NRCAM: variants seen among roughly 807,000 people sequenced by gnomAD.
The protein encoded by NRCAM is NgCAM-related cell adhesion molecule.
NRCAM carries 83 observed loss-of-function variants against 156.5 expected under a neutral mutation model. That is an observed-to-expected ratio of 0.53 (90% CI 0.44 to 0.64). NRCAM has a LOEUF of 0.64. Among genes scored for constraint, NRCAM ranks in the 30% least tolerant of loss-of-function variants. The pLI is 0.00. For synonymous variants in NRCAM, 538 were observed against 563.9 expected, an observed-to-expected ratio of 0.95 and a Z score of 0.65; for missense variants, 1,417 against 1,597.3, an observed-to-expected ratio of 0.89 and a Z score of 1.92.
intron 2 of NRCAM, among the ~76,000 whole-genome samples, chr7:108,391,366 G>C (rs1457742610): frequency 6.6e-6 from 1 of 151,994 alleles, no homozygotes; most frequent in African/African-American, 2.4e-5. Flanking sequence ...TTGGTTTAAA[G>C]TCTGTTTTAT....
chr7:108,323,917 G>C (rs576271258), intron 2 of NRCAM, among the ~76,000 whole-genome samples: 1 of 152,238 alleles, frequency 6.6e-6, no homozygotes, highest in Non-Finnish European at 1.5e-5. Flanking sequence ...TTGCAGGCAA[G>C]GTGAAAGTTC....
At chr7:108,228,744 C>G (rs1446799016) in intron 8 of NRCAM, among the ~76,000 whole-genome samples, 1 of 152,104 alleles carries the variant, frequency 6.6e-6, no homozygotes, top group African/African-American at 2.4e-5. Flanking sequence ...GAACCAAGTA[C>G]CAAATATTGA....
At chr7:108,450,575 C>G (rs1421074423) in intron 1 of NRCAM, among the ~76,000 whole-genome samples, 1 of 151,904 alleles carries the variant, frequency 6.6e-6, no homozygotes, top group Non-Finnish European at 1.5e-5. Context: ...CAAATTTGCT[C>G]TTGTTCTAGA....
Position 108,189,724 on chromosome 7 carries a change from G to T in NRCAM, c.1956C>A (p.Asp652Glu). The change falls in exon 20 of 33, where the codon GAC becomes GAA. Residue 652 changes from aspartate (D) to glutamate (E), a missense_variant. Physicochemically the swap from Asp to Glu is conservative, Grantham distance 45. Transcript: ENST00000379028. ...PVYDVPNPPFDLELTDQLDKS... is the reference protein window; with the variant it reads ...PVYDVPNPPFELELTDQLDKS... ...TGTCAAGTTGATCTGTCAGTTCTAA[G>T]TCAAAGGGAGGATTTGGGACATCTG... 6.6e-7 allele frequency: 1 copy of T among 1,517,524 alleles called. No individual in the cohort carries two copies. The highest frequency in any genetic ancestry group is 2.3e-5 in the East Asian group (1 of 44,098). 94.0% of individuals were successfully genotyped at this position (1,517,524 alleles called of 1,614,324 possible).
intron 22 of NRCAM, among the ~76,000 whole-genome samples, chr7:108,183,407 T>A (rs1271080138): frequency 1.3e-5 from 1 of 77,498 alleles, no homozygotes; most frequent in Non-Finnish European, 3.6e-5. Context: ...TATGCATGTA[T>A]GGCTCTAAAA....
At chr7:108,290,329 T>C (rs1050180126) in intron 3 of NRCAM, among the ~76,000 whole-genome samples, 17 of 152,084 alleles carry the variant, frequency 1.1e-4, no homozygotes, top group Non-Finnish European at 1.9e-4. Context: ...TAAAATGATG[T>C]GTTGGGTGCC....
chr7:108,233,257 T>C (rs1229047034), intron 6 of NRCAM, among the ~76,000 whole-genome samples: 2 of 152,144 alleles, frequency 1.3e-5, no homozygotes, highest in African/African-American at 2.4e-5. Flanking sequence ...ATGATGGCCA[T>C]GCTCATACAA....
intron 3 of NRCAM, among the ~76,000 whole-genome samples, chr7:108,241,323 G>C (rs2095512376): frequency 6.6e-6 from 1 of 152,136 alleles, no homozygotes; most frequent in Admixed American, 6.5e-5. Flanking sequence ...AAAATGGAGA[G>C]CATGAGCACA....
At chr7:108,338,980 T>C (rs1022145401) in intron 2 of NRCAM, among the ~76,000 whole-genome samples, 2 of 152,248 alleles carry the variant, frequency 1.3e-5, no homozygotes, top group Non-Finnish European at 2.9e-5. Flanking sequence ...AAGTAACTTT[T>C]AGAGGAAACC....
intron 8 of NRCAM, among the ~76,000 whole-genome samples, chr7:108,228,309 G>A (rs1048890481): frequency 5.4e-5 from 8 of 148,420 alleles, no homozygotes; most frequent in Admixed American, 4.0e-4. Flanking sequence ...GTGACAGAGC[G>A]AGACTCCATC....
At chr7:108,257,110 A>AAAG (rs1007008427) in intron 3 of NRCAM, among the ~76,000 whole-genome samples, 17 of 151,502 alleles carry the variant, frequency 1.1e-4, no homozygotes, top group Admixed American at 3.3e-4. Context: ...AAGGAAAAGA[A>AAAG]AAGAAAAGAA....
At chr7:108,163,508 G>C (rs1563203802) in intron 30 of NRCAM, among the ~76,000 whole-genome samples, 1 of 152,232 alleles carries the variant, frequency 6.6e-6, no homozygotes, top group Non-Finnish European at 1.5e-5. Context: ...CAAACGCTTA[G>C]ATGTGTTTAG....
chr7:108,333,021 A>G (rs930802352), intron 2 of NRCAM, among the ~76,000 whole-genome samples: 2 of 152,216 alleles, frequency 1.3e-5, no homozygotes, highest in African/African-American at 2.4e-5. Context: ...GCAATTTTAT[A>G]TGATTCAACC....
chr7:108,191,935 G>A, intron 17 of NRCAM, 82 bp from the exon 18 acceptor site: 1 of 1,473,592 alleles, frequency 6.8e-7, no homozygotes, highest in Non-Finnish European at 9.2e-7. Flanking sequence ...GAAAAAAACT[G>A]TAAATTTGAT....
chr7:108,267,115 G>C (rs183965737), intron 3 of NRCAM, among the ~76,000 whole-genome samples: 65 of 152,312 alleles, frequency 4.3e-4, no homozygotes, highest in African/African-American at 1.4e-3. Flanking sequence ...TTACATGAGA[G>C]AAAACTCTGA....
At chr7:108,398,467 G>A (rs1010951618) in intron 2 of NRCAM, among the ~76,000 whole-genome samples, 9 of 152,064 alleles carry the variant, frequency 5.9e-5, no homozygotes, top group African/African-American at 2.2e-4. Flanking sequence ...TTCCTCCAGT[G>A]TAATACACAT....
At chr7:108,451,536 A>G (rs1187194172) in intron 1 of NRCAM, among the ~76,000 whole-genome samples, 6 of 152,234 alleles carry the variant, frequency 3.9e-5, no homozygotes, top group Non-Finnish European at 7.3e-5. Context: ...GCAATAGCCA[A>G]AAGATGAAAG....
intron 3 of NRCAM, among the ~76,000 whole-genome samples, chr7:108,241,800 T>A (rs2095545448): frequency 6.6e-6 from 1 of 152,158 alleles, no homozygotes; most frequent in Admixed American, 6.5e-5. Flanking sequence ...TACTGCTTGG[T>A]TTAAAAACCA....
intron 2 of NRCAM, among the ~76,000 whole-genome samples, chr7:108,374,543 C>A (rs1406216945): frequency 6.6e-6 from 1 of 151,980 alleles, no homozygotes; most frequent in East Asian, 1.9e-4. Flanking sequence ...CTTAATGAGG[C>A]TCATTTCTGC....
Sources: gnomAD v4.1 joint callset for allele counts (sites outside exome capture counted in the v4.1 genomes callset) on GRCh38, gnomAD v4.1.1 for gene constraint, MANE v1.5 for transcripts, NCBI Gene and HGNC (gene_info 2026-07-23, HGNC 2026-07-21) for gene names.